The following PIEZO2 variants were observed in gnomAD, a reference collection of about 807,000 sequenced individuals.
The protein encoded by PIEZO2 is piezo type mechanosensitive ion channel component 2.
PIEZO2 carries 172 observed loss-of-function variants against 337.3 expected under a neutral mutation model. The observed-to-expected ratio is 0.51, with a 90% CI of 0.45 to 0.58. PIEZO2 has a LOEUF of 0.58. Ranked by LOEUF, PIEZO2 falls within the 20% of genes least tolerant of loss-of-function variation. The pLI is 0.00. For synonymous variants in PIEZO2, 1,251 were observed against 1,228.5 expected, an observed-to-expected ratio of 1.02 and a Z score of -0.38; for missense variants, 3,028 against 3,391.3, an observed-to-expected ratio of 0.89 and a Z score of 2.66.
chr18:10,674,099 A>C (rs187566980), intron 54 of PIEZO2, among the ~76,000 whole-genome samples: 154 of 152,302 alleles, frequency 1.0e-3, no homozygotes, highest in Non-Finnish European at 1.8e-3. Context: ...ATCAATGAAG[A>C]AGAGTAAGGC....
intron 1 of PIEZO2, among the ~76,000 whole-genome samples, chr18:11,071,338 T>C (rs2038331267): frequency 1.3e-5 from 2 of 152,194 alleles, no homozygotes; most frequent in African/African-American, 4.8e-5. Flanking sequence ...TCATCCAGAG[T>C]TGAAGTCTTT....
rs146463259 is a variant in PIEZO2 at position 10,750,340 on chromosome 18, G to C, written c.4168-153C>G. Among the ~76,000 whole-genome samples, 32 of 152,364 alleles carry C rather than the reference G, an allele frequency of 2.1e-4. No individual in the cohort carries two copies. The highest frequency in any genetic ancestry group is 7.5e-4 in the African/African-American group (31 of 41,588). On this transcript the variant is annotated intron_variant, in intron 28 of 55. Coordinates refer to ENST00000674853, the MANE Select transcript of PIEZO2 (RefSeq NM_001378183.1). This position sits in a 1 kb window ranked among gnomAD's most constrained non-coding sequence, Gnocchi z 4.1. The stretch of plus-strand genomic sequence containing the variant: ...TACCTAAAAATTCAGTCACCTTGTG[G>C]TAGTGCTTCAGGAGCAATGTAAATT...
chr18:10,736,764 G>C (rs958049807), intron 33 of PIEZO2, 54 bp from the exon 34 acceptor site: 1 of 1,509,748 alleles, frequency 6.6e-7, no homozygotes, highest in African/African-American at 1.4e-5. Context: ...AGGAAATTGG[G>C]GGCTTATTAA....
intron 17 of PIEZO2, among the ~76,000 whole-genome samples, chr18:10,782,022 G>A (rs1443046806): frequency 2.0e-5 from 3 of 150,422 alleles, no homozygotes; most frequent in African/African-American, 4.9e-5. Flanking sequence ...ACTGTGAGGT[G>A]AAAATTATGA....
At position 10,821,389 on chromosome 18, in the gene PIEZO2, C is replaced by T. The variant is rs971226105; in HGVS notation, c.918-14115G>A. Among the ~76,000 whole-genome samples the T allele has an allele frequency of 1.3e-5, 2 of 152,134 alleles. No individual in the cohort carries two copies. The highest frequency in any genetic ancestry group is 4.8e-5 in the African/African-American group (2 of 41,412). Reference sequence around the variant, plus strand: ...AGGATAGCTGGTCTAGTACACTTCACATATCTTTTTAACACCTGCCTGACT... The same window carrying T: ...AGGATAGCTGGTCTAGTACACTTCATATATCTTTTTAACACCTGCCTGACT... On this transcript the variant is annotated intron_variant, in intron 7 of 55. Coordinates refer to ENST00000674853, the MANE Select transcript of PIEZO2 (RefSeq NM_001378183.1). The surrounding 1 kb of genome is among the most constrained non-coding windows in gnomAD (Gnocchi z 4.2).
At chr18:10,816,605 T>C (rs149063639) in intron 7 of PIEZO2, among the ~76,000 whole-genome samples, 1 of 152,250 alleles carries the variant, frequency 6.6e-6, no homozygotes. Context: ...AACACCTAAA[T>C]ACCCAATAAA....
chr18:10,890,838 G>A (rs2042734321), intron 4 of PIEZO2: 2 of 152,080 alleles, frequency 1.3e-5, no homozygotes, highest in South Asian at 4.1e-4. Context: ...TGTTTAGCCT[G>A]GTGTTTTTCC....
intron 28 of PIEZO2, among the ~76,000 whole-genome samples, chr18:10,751,543 A>T (rs1223795514): frequency 6.6e-6 from 1 of 152,232 alleles, no homozygotes; most frequent in Non-Finnish European, 1.5e-5. Context: ...AAATTATCCA[A>T]ATACCTATTC....
rs2036600132 is a variant in PIEZO2 at position 11,028,116 on chromosome 18, A to T, written c.160+38011T>A. 1.3e-5 allele frequency among the ~76,000 whole-genome samples: 2 copies of T among 152,214 alleles called. No homozygotes were observed. On this transcript the variant is annotated intron_variant, in intron 2 of 55. Coordinates refer to ENST00000674853, the MANE Select transcript of PIEZO2 (RefSeq NM_001378183.1). This position sits in a 1 kb window ranked among gnomAD's most constrained non-coding sequence, Gnocchi z 4.8. ...TCTCAGTTCTCACTTTCTGATTTAC[A>T]TGGTGTGGCACCACGAGCTGCAAGT... is the stretch of plus-strand genomic sequence containing the variant.
chr18:10,962,793 C>G lies in PIEZO2; in HGVS notation c.286+16742G>C, dbSNP rs917270594. ...TGGAAGGGTCATGGCTGCTAAGGCCCTTTCCAGTGATCACATACTATGAGC... is the reference window on the plus strand; with the variant it reads ...TGGAAGGGTCATGGCTGCTAAGGCCGTTTCCAGTGATCACATACTATGAGC... On this transcript the variant is annotated intron_variant, in intron 3 of 55. Coordinates refer to ENST00000674853, the MANE Select transcript of PIEZO2 (RefSeq NM_001378183.1). The surrounding 1 kb of genome is among the most constrained non-coding windows in gnomAD (Gnocchi z 4.1). Among the ~76,000 whole-genome samples the G allele has an allele frequency of 4.6e-5, 7 of 152,166 alleles. No individual in the cohort carries two copies. The highest frequency in any genetic ancestry group is 1.7e-4 in the African/African-American group (7 of 41,438).
Position 10,973,675 on chromosome 18 carries a change from C to G in PIEZO2, c.286+5860G>C, listed in dbSNP as rs945934051. 2.0e-5 allele frequency among the ~76,000 whole-genome samples: 3 copies of G among 152,108 alleles called. No homozygotes were observed. In the East Asian group the frequency reaches 5.8e-4, roughly 29 times the overall value. The stretch of plus-strand genomic sequence containing the variant: ...AAGCTGGCCCGAGGAGAGAAGAAGG[C>G]TGTGTGTTGTGCCTGAATGAGTTAG... On this transcript the variant is annotated intron_variant, in intron 3 of 55. Transcript: ENST00000674853. The surrounding 1 kb of genome is among the most constrained non-coding windows in gnomAD (Gnocchi z 4.9).
Position 10,671,636 on chromosome 18 carries a change from A to T in PIEZO2, c.8489T>A (p.Val2830Asp). ...TAGCTCCAGTTCTCCTGTCTCTCGA[A>T]CTAAAAAAATATCTGTGCACAACTT... is the stretch of plus-strand genomic sequence containing the variant. ...ILKLCTDIFLVRETGELELEE... is the reference protein window; with the variant it reads ...ILKLCTDIFLDRETGELELEE... Residue 2830 changes from valine (V) to aspartate (D), a missense_variant, in exon 56 of 56, where the codon GTT becomes GAT. Physicochemically the swap from Val to Asp is radical, Grantham distance 152. Coordinates refer to ENST00000674853, the MANE Select transcript of PIEZO2 (RefSeq NM_001378183.1). 1 of 1,614,090 alleles carries T rather than the reference A, an allele frequency of 6.2e-7. No homozygotes were observed. Among genetic ancestry groups the T allele is most frequent in the Non-Finnish European group, 8.5e-7 (1 of 1,179,996 alleles).
At chr18:10,809,260 C>CTCTTTTTTT (rs1173120936) in intron 7 of PIEZO2, among the ~76,000 whole-genome samples, 8 of 65,804 alleles carry the variant, frequency 1.2e-4, no homozygotes, top group African/African-American at 4.1e-4. Context: ...CTCTCTCTCT[C>CTCTTTTTTT]TTTTTTTTTT....
At chr18:10,916,934 T>C (rs2031023461) in intron 3 of PIEZO2, among the ~76,000 whole-genome samples, 1 of 152,182 alleles carries the variant, frequency 6.6e-6, no homozygotes, top group Non-Finnish European at 1.5e-5. Context: ...TTTTAAAAAA[T>C]ACCTTTTTTA....
Position 10,854,438 on chromosome 18 carries a change from A to C in PIEZO2, c.917+915T>G, listed in dbSNP as rs1021123889. The stretch of plus-strand genomic sequence containing the variant: ...TAATTATTTCAGGTGTGGACATAAT[A>C]GAACATATCATTAAGGATTGATGAA... On this transcript the variant is annotated intron_variant, in intron 7 of 55. Transcript: ENST00000674853. The surrounding 1 kb of genome is among the most constrained non-coding windows in gnomAD (Gnocchi z 4.6). 2.0e-5 allele frequency among the ~76,000 whole-genome samples: 3 copies of C among 152,332 alleles called. No homozygotes were observed. The highest frequency in any genetic ancestry group is 7.2e-5 in the African/African-American group (3 of 41,574).
intron 36 of PIEZO2, among the ~76,000 whole-genome samples, chr18:10,720,411 ATGTG>A (rs1361622448): frequency 4.0e-4 from 4 of 9,968 alleles, no homozygotes; most frequent in African/African-American, 1.5e-3. Context: ...GTGTATGTGT[ATGTG>A]TATGTATATA....
At chr18:10,681,599 C>A in intron 51 of PIEZO2, 62 bp downstream of exon 51, 1 of 1,355,586 alleles carries the variant, frequency 7.4e-7, no homozygotes. Flanking sequence ...CATTAAATGA[C>A]AATGAGTGAA....
chr18:11,124,953 G>T (rs574302244), intron 1 of PIEZO2, among the ~76,000 whole-genome samples: 2 of 152,144 alleles, frequency 1.3e-5, no homozygotes, highest in Non-Finnish European at 2.9e-5. Flanking sequence ...TTTTGTACCT[G>T]AATGTATACT....
Position 10,811,919 on chromosome 18 carries a change from C to A in PIEZO2, c.918-4645G>T, listed in dbSNP as rs559658536. Among the ~76,000 whole-genome samples the A allele has an allele frequency of 4.3e-4, 66 of 152,252 alleles. 1 individual carries two copies. The East Asian group carries it at 0.012, about 27-fold the overall frequency. ...TGCGATCTCCGCTCACTGCGAGCTCCGCCTCCCGGGTTCACACCATTCTCC... is the reference window on the plus strand; with the variant it reads ...TGCGATCTCCGCTCACTGCGAGCTCAGCCTCCCGGGTTCACACCATTCTCC... On this transcript the variant is annotated intron_variant, in intron 7 of 55. Coordinates refer to ENST00000674853, the MANE Select transcript of PIEZO2 (RefSeq NM_001378183.1).
Sources: allele counts gnomAD v4.1 joint callset (sites outside exome capture counted in the v4.1 genomes callset), GRCh38; gene constraint gnomAD v4.1.1; non-coding constraint Gnocchi (gnomAD v3.1); transcripts MANE v1.5; gene names NCBI Gene and HGNC (gene_info 2026-07-23, HGNC 2026-07-21).